PTPRN2: variants seen among roughly 807,000 people sequenced by gnomAD.
The protein encoded by PTPRN2 is protein tyrosine phosphatase receptor type N2, also known as receptor-type tyrosine-protein phosphatase N2.
PTPRN2 carries 74 observed loss-of-function variants against 118.8 expected under a neutral mutation model. That is an observed-to-expected ratio of 0.62 (90% CI 0.52 to 0.76). The LOEUF (loss-of-function observed/expected upper bound fraction) is 0.76, where lower values mean the gene tolerates loss of function less well. Among genes scored for constraint, PTPRN2 ranks in the 30% least tolerant of loss-of-function variants. PTPRN2 has a pLI of 0.00. For synonymous variants in PTPRN2, 641 were observed against 608.0 expected, an observed-to-expected ratio of 1.05 and a Z score of -0.80; for missense variants, 1,481 against 1,394.4, an observed-to-expected ratio of 1.06 and a Z score of -0.99.
chr7:158,446,642 G>A (rs764033703), intron 2 of PTPRN2, among the ~76,000 whole-genome samples: 6 of 152,264 alleles, frequency 3.9e-5, no homozygotes, highest in Non-Finnish European at 5.9e-5. Flanking sequence ...AATGGTCCCT[G>A]GTGTAATTTC....
At position 158,158,516 on chromosome 7, in the gene PTPRN2, G is replaced by A. The variant is rs1199329718; in HGVS notation, c.910+8415C>T. The stretch of plus-strand genomic sequence containing the variant: ...AGCCCATGTGATTGGCCAGGACTTC[G>A]CAAGTGCTTTCTGAGTGAATGAGTG... On this transcript the variant is annotated intron_variant, in intron 6 of 22. Transcript: ENST00000389418. Among the ~76,000 whole-genome samples the A allele has an allele frequency of 2.6e-5, 4 of 151,580 alleles. 1 individual carries two copies. Among genetic ancestry groups the A allele is most frequent in the African/African-American group, 7.3e-5 (3 of 41,204 alleles).
chr7:157,924,055 A>G (rs1798833542), intron 11 of PTPRN2, among the ~76,000 whole-genome samples: 1 of 152,130 alleles, frequency 6.6e-6, no homozygotes, highest in South Asian at 2.1e-4. Flanking sequence ...GGATGGGACA[A>G]TGGGGGATGG....
In PTPRN2 at chr7:158,334,972, C is replaced by A. The variant is rs1390899839; in HGVS notation, c.164-18040G>T. On this transcript the variant is annotated intron_variant, in intron 2 of 22. Coordinates refer to ENST00000389418, the MANE Select transcript of PTPRN2 (RefSeq NM_002847.5). ...CTCACACCCACACTCTCACCATAAG[C>A]GCTGACACCTGCTGACGTCACTCAC... Among the ~76,000 whole-genome samples, 20 of 6,232 alleles carry A rather than the reference C, an allele frequency of 3.2e-3. 8 individuals carry two copies. The highest frequency in any genetic ancestry group is 4.5e-3 in the East Asian group (2 of 440). The allele number at this position is 6,232 out of a possible 152,430, so 4.1% of individuals were successfully genotyped here.
chr7:158,457,548 G>A (rs139381745), intron 2 of PTPRN2, among the ~76,000 whole-genome samples: 34,353 of 90,290 alleles, frequency 0.38, 4,120 homozygotes, highest in Middle Eastern at 0.41. Flanking sequence ...TCACAGTAAA[G>A]CCACCGTCAA....
intron 12 of PTPRN2, chr7:157,865,292 G>A (rs150152895): frequency 7.8e-4 from 119 of 152,350 alleles, no homozygotes; most frequent in African/African-American, 2.6e-3. Context: ...ACGAGGAATC[G>A]GCTTCTGCTC....
intron 3 of PTPRN2, among the ~76,000 whole-genome samples, chr7:158,271,078 A>G (rs1205411290): frequency 1.6e-3 from 129 of 80,626 alleles, no homozygotes; most frequent in African/African-American, 5.2e-3. Flanking sequence ...CTCCACCTGG[A>G]CGACCCCCTC....
chr7:158,562,795 A>G (rs979617609), intron 1 of PTPRN2, among the ~76,000 whole-genome samples: 7 of 152,192 alleles, frequency 4.6e-5, no homozygotes, highest in Admixed American at 3.3e-4. Flanking sequence ...CGTCAGGATC[A>G]ATGACGCTCC....
chr7:158,359,322 T>C (rs917882270), intron 2 of PTPRN2, among the ~76,000 whole-genome samples: 1 of 152,208 alleles, frequency 6.6e-6, no homozygotes, highest in Non-Finnish European at 1.5e-5. Flanking sequence ...ATGCTTTAAA[T>C]AATGGATGTT....
intron 13 of PTPRN2, among the ~76,000 whole-genome samples, chr7:157,677,171 G>A (rs17837794): frequency 6.6e-6 from 1 of 152,142 alleles, no homozygotes; most frequent in African/African-American, 2.4e-5. Flanking sequence ...TCATACCCAG[G>A]TGTGAAAAGC....
rs1271724939 is a variant in PTPRN2, at chr7:158,508,005, CAT to C, written c.113-18222_113-18221del. On this transcript the variant is annotated intron_variant, in intron 1 of 22. Coordinates refer to ENST00000389418, the MANE Select transcript of PTPRN2 (RefSeq NM_002847.5). ...CAGCCCCGTGCTAGGCAGGAAATTG[CAT>C]ACACAGAGGTCAGTGAGGACCGTCC... Among the ~76,000 whole-genome samples, 143 of 148,138 alleles carry C rather than the reference CAT, an allele frequency of 9.7e-4. 1 individual carries two copies. The highest frequency in any genetic ancestry group is 3.2e-3 in the African/African-American group (125 of 39,336).
chr7:157,642,817 A>AAAAAAAC (rs1804761786), intron 14 of PTPRN2, among the ~76,000 whole-genome samples: 1 of 110,256 alleles, frequency 9.1e-6, no homozygotes, highest in East Asian at 2.6e-4. Context: ...GAAACAGCAA[A>AAAAAAAC]AAAAAAAAAA....
chr7:158,001,300 C>T (rs912740727), intron 11 of PTPRN2, among the ~76,000 whole-genome samples: 2 of 151,596 alleles, frequency 1.3e-5, no homozygotes, highest in East Asian at 3.9e-4. Flanking sequence ...GGCCTTCTCC[C>T]ACAGGCCTGC....
chr7:158,197,697 C>G lies in PTPRN2; in HGVS notation c.381-5202G>C, dbSNP rs1184403769. Among the ~76,000 whole-genome samples the G allele has an allele frequency of 1.3e-5, 2 of 152,130 alleles. 1 individual carries two copies. Among genetic ancestry groups the G allele is most frequent in the Non-Finnish European group, 2.9e-5 (2 of 68,040 alleles). On this transcript the variant is annotated intron_variant, in intron 4 of 22. Transcript: ENST00000389418. ...GTAACAATCATGGCAGAAGGGGAAG[C>G]AAACACACCCTTCTTCACAAGGTGG...
intron 6 of PTPRN2, among the ~76,000 whole-genome samples, chr7:158,140,685 G>A (rs1281661079): frequency 6.6e-6 from 1 of 152,232 alleles, no homozygotes; most frequent in Non-Finnish European, 1.5e-5. Flanking sequence ...GGTGGGGCTG[G>A]GGCAGGAGGA....
chr7:158,238,448 C>T (rs928760636), intron 3 of PTPRN2, among the ~76,000 whole-genome samples: 8 of 152,176 alleles, frequency 5.3e-5, no homozygotes, highest in Admixed American at 1.3e-4. Flanking sequence ...CTGGTCTCTG[C>T]CGCTCATCAG....
At chr7:158,279,705 C>T (rs969729318) in intron 3 of PTPRN2, among the ~76,000 whole-genome samples, 1 of 151,932 alleles carries the variant, frequency 6.6e-6, no homozygotes, top group African/African-American at 2.4e-5. Flanking sequence ...GGCTCCCATC[C>T]GCGCTTCTCC....
rs145156640 is a variant in PTPRN2 at position 157,612,463 on chromosome 7, A to T, written c.2345-8388T>A. Among the ~76,000 whole-genome samples, 89 of 152,340 alleles carry T rather than the reference A, an allele frequency of 5.8e-4. No individual in the cohort carries two copies. The Middle Eastern group carries it at 0.01, about 17-fold the overall frequency. On this transcript the variant is annotated intron_variant, in intron 15 of 22. Transcript: ENST00000389418. ...CCTCCAAGGAGCTGAAACTAGGAGC[A>T]GGGGGCAGCTCACACGCCTTATCAC...
At chr7:158,293,850 G>A (rs888059239) in intron 3 of PTPRN2, among the ~76,000 whole-genome samples, 7 of 151,998 alleles carry the variant, frequency 4.6e-5, no homozygotes, top group South Asian at 2.1e-4. Flanking sequence ...TCCACATCTT[G>A]TCCCACAGGA....
chr7:157,757,801 G>A (rs909544161), intron 12 of PTPRN2, among the ~76,000 whole-genome samples: 2 of 152,166 alleles, frequency 1.3e-5, no homozygotes, highest in Non-Finnish European at 2.9e-5. Flanking sequence ...CTACAAACAG[G>A]TGATTTCAGA....
Sources: gnomAD v4.1 joint callset for allele counts (sites outside exome capture counted in the v4.1 genomes callset) on GRCh38, gnomAD v4.1.1 for gene constraint, MANE v1.5 for transcripts, NCBI Gene and HGNC (gene_info 2026-07-23, HGNC 2026-07-21) for gene names.